COQ10B: variants seen among roughly 807,000 people sequenced by gnomAD.
COQ10B encodes the protein coenzyme Q-binding protein COQ10 homolog B, mitochondrial.
In COQ10B, 12 loss-of-function variants were observed where a neutral mutation model predicts 27.6. That is an observed-to-expected ratio of 0.43 (90% CI 0.28 to 0.70). The LOEUF (loss-of-function observed/expected upper bound fraction) is 0.70, where lower values mean the gene tolerates loss of function less well. Ranked by LOEUF, COQ10B falls within the 30% of genes least tolerant of loss-of-function variation. COQ10B has a pLI of 0.17. For synonymous variants in COQ10B, 115 were observed against 103.0 expected (o/e 1.12, Z -0.71); for missense variants, 278 against 288.7 (o/e 0.96, Z 0.27).
chr2:197,470,443 A>G (rs1378740098), intron 4 of COQ10B, among the ~76,000 whole-genome samples: 2 of 152,184 alleles, frequency 1.3e-5, no homozygotes, highest in African/African-American at 4.8e-5. Context: ...TTAACACCAA[A>G]TGAAAGAACA....
intron 1 of COQ10B, among the ~76,000 whole-genome samples, chr2:197,454,881 A>G (rs915489645): frequency 6.6e-6 from 1 of 152,136 alleles, no homozygotes; most frequent in Non-Finnish European, 1.5e-5. Flanking sequence ...ACGAGTGACA[A>G]AAAAGCTGTT....
chr2:197,472,793 T>C (rs1168334847), intron 4 of COQ10B, among the ~76,000 whole-genome samples: 3 of 81,940 alleles, frequency 3.7e-5, no homozygotes, highest in Admixed American at 3.4e-4. Context: ...AGAGCAAGGC[T>C]CCATCTCAAA....
intron 3 of COQ10B, among the ~76,000 whole-genome samples, chr2:197,463,986 TATATATATATAC>T (rs1348968810): frequency 1.3e-4 from 11 of 83,718 alleles, no homozygotes; most frequent in Middle Eastern, 0.012. Flanking sequence ...TATATATATA[TATATATATATAC>T]ACACACACAC....
At position 197,460,021 on chromosome 2, in the gene COQ10B, T is replaced by A. The variant is rs1276610131; in HGVS notation, c.194T>A (p.Phe65Tyr). ...LPKEICARTF[F>Y]KITAPLINKR... ...AAGGAGATATGTGCACGAACTTTCT[T>A]CAAAATCACTGCACCATTAATAAAC... is the stretch of plus-strand genomic sequence containing the variant. Residue 65 changes from phenylalanine to tyrosine, a missense_variant, in exon 2 of 5, where the codon TTC becomes TAC. By Grantham distance (22) the Phe-to-Tyr change is conservative (BLOSUM62 3). Coordinates refer to ENST00000263960, the MANE Select transcript of COQ10B (RefSeq NM_025147.5). 6.2e-7 allele frequency: 1 copy of A among 1,611,810 alleles called. No homozygotes were observed. Among genetic ancestry groups the A allele is most frequent in the African/African-American group, 1.3e-5 (1 of 74,794 alleles).
chr2:197,470,032 G>C (rs767252027), intron 3 of COQ10B, 38 bp from the exon 4 acceptor site: 1 of 1,222,566 alleles, frequency 8.2e-7, no homozygotes, highest in South Asian at 1.2e-5. Context: ...AGTAGCAAAG[G>C]TATTTAACTG....
chr2:197,460,733 TA>T (rs1193305760), intron 2 of COQ10B, among the ~76,000 whole-genome samples: 5 of 152,232 alleles, frequency 3.3e-5, no homozygotes, highest in Admixed American at 1.3e-4. Flanking sequence ...GAGCCTTTGG[TA>T]AACATTTTCT....
chr2:197,456,931 G>A (rs900968480), intron 1 of COQ10B, among the ~76,000 whole-genome samples: 1 of 149,972 alleles, frequency 6.7e-6, no homozygotes, highest in East Asian at 2.0e-4. Flanking sequence ...CTGTACCCGC[G>A]ATTTCCCAAC....
At chr2:197,471,607 C>T (rs2085878181) in intron 4 of COQ10B, among the ~76,000 whole-genome samples, 1 of 152,056 alleles carries the variant, frequency 6.6e-6, no homozygotes, top group African/African-American at 2.4e-5. Flanking sequence ...GTGCTGTTCT[C>T]AGCTCTTGAG....
At chr2:197,466,008 C>G (rs1256390312) in intron 3 of COQ10B, among the ~76,000 whole-genome samples, 1 of 152,148 alleles carries the variant, frequency 6.6e-6, no homozygotes, top group Non-Finnish European at 1.5e-5. Context: ...AGAAGAATCA[C>G]TTGAACCCAG....
At chr2:197,467,522 C>A (rs187021930) in intron 3 of COQ10B, among the ~76,000 whole-genome samples, 2 of 152,144 alleles carry the variant, frequency 1.3e-5, no homozygotes, top group Non-Finnish European at 2.9e-5. Flanking sequence ...GGATTAAAGG[C>A]ATGCGCCACC....
chr2:197,459,007 G>T (rs1273688117), intron 1 of COQ10B, among the ~76,000 whole-genome samples: 8 of 152,128 alleles, frequency 5.3e-5, no homozygotes, highest in Non-Finnish European at 1.0e-4. Context: ...ATTAAGGAAA[G>T]TTGAAAATAT....
chr2:197,460,172 C>A (rs2085741474), intron 2 of COQ10B, 91 bp downstream of exon 2: 1 of 805,364 alleles, frequency 1.2e-6, no homozygotes, highest in Non-Finnish European at 1.8e-6. Context: ...GGATTATCTT[C>A]TTACAGACTA....
rs770811878 is a variant in COQ10B, at chr2:197,460,011, C to T, written c.184C>T (p.Arg62Ter). The T allele has an allele frequency of 1.9e-6, 3 of 1,610,534 alleles. No homozygotes were observed. The highest frequency in any genetic ancestry group is 2.5e-6 in the Non-Finnish European group (3 of 1,177,264). ...AATTTTGCCTAAGGAGATATGTGCA[C>T]GAACTTTCTTCAAAATCACTGCACC... Reference protein sequence around the residue: ...TSILPKEICARTFFKITAPLI... With the variant: ...TSILPKEICA The change falls in exon 2 of 5, where the codon CGA becomes TGA. Residue 62 changes from arginine (R) to a stop codon, truncating the protein, a stop_gained. Transcript: ENST00000263960. LOFTEE classifies it high-confidence loss of function.
At chr2:197,472,794 C>G (rs924853746) in intron 4 of COQ10B, among the ~76,000 whole-genome samples, 2 of 110,556 alleles carry the variant, frequency 1.8e-5, no homozygotes, top group Non-Finnish European at 3.7e-5. Flanking sequence ...GAGCAAGGCT[C>G]CATCTCAAAA....
chr2:197,473,715 A>C lies in COQ10B; in HGVS notation c.550-42A>C, dbSNP rs1366742041. 4 of 1,358,148 alleles carry C rather than the reference A, an allele frequency of 2.9e-6. No individual in the cohort carries two copies. In the Admixed American group the frequency reaches 8.4e-5, roughly 28 times the overall value. 84.1% of individuals were successfully genotyped at this position (1,358,148 alleles called of 1,614,324 possible). ...AAAACCAAAAAAAAAAAAAAAGCAAAAAATAATTTTTTCTAAAATAATTTT... is the reference window on the plus strand; with the variant it reads ...AAAACCAAAAAAAAAAAAAAAGCAACAAATAATTTTTTCTAAAATAATTTT... On this transcript the variant is annotated intron_variant, in intron 4 of 4. Transcript: ENST00000263960.
At chr2:197,472,852 T>C (rs1046867569) in intron 4 of COQ10B, among the ~76,000 whole-genome samples, 1 of 149,888 alleles carries the variant, frequency 6.7e-6, no homozygotes, top group Non-Finnish European at 1.5e-5. Flanking sequence ...CCATCTGCCC[T>C]GTGGGTTAGG....
intron 1 of COQ10B, among the ~76,000 whole-genome samples, chr2:197,458,238 A>G (rs2106046175): frequency 6.6e-6 from 1 of 152,194 alleles, no homozygotes; most frequent in South Asian, 2.1e-4. Context: ...ATATATATAA[A>G]TAAATGGAAT....
intron 3 of COQ10B, among the ~76,000 whole-genome samples, chr2:197,469,217 C>T (rs990225217): frequency 2.0e-5 from 3 of 151,528 alleles, no homozygotes; most frequent in Non-Finnish European, 4.4e-5. Context: ...AAATTTTTTT[C>T]GAAGAGACAG....
chr2:197,456,364 C>A (rs1574577308), intron 1 of COQ10B, among the ~76,000 whole-genome samples: 1 of 151,360 alleles, frequency 6.6e-6, no homozygotes, highest in Non-Finnish European at 1.5e-5. Context: ...ACTCGGGAGG[C>A]TGAGGCAGGA....
Sources: gnomAD v4.1 joint callset for allele counts (sites outside exome capture counted in the v4.1 genomes callset) on GRCh38, gnomAD v4.1.1 for gene constraint, MANE v1.5 for transcripts, NCBI Gene and HGNC (gene_info 2026-07-23, HGNC 2026-07-21) for gene names.